The following SLC12A8 variants were observed in gnomAD, a reference collection of about 807,000 sequenced individuals.
SLC12A8 encodes solute carrier family 12 member 8, also known as cation-chloride cotransporter 9.
Under a neutral mutation model 75.6 loss-of-function variants are expected in SLC12A8, and 69 were observed. The observed-to-expected ratio is 0.91, with a 90% CI of 0.75 to 1.11. The LOEUF (loss-of-function observed/expected upper bound fraction) is 1.11, where lower values mean the gene tolerates loss of function less well. Among genes scored for constraint, SLC12A8 ranks in the 50% most tolerant of loss-of-function variants. SLC12A8 has a pLI of 0.00. For synonymous variants in SLC12A8, 365 were observed against 372.8 expected (o/e 0.98, Z 0.24); for missense variants, 877 against 896.7 (o/e 0.98, Z 0.28).
At chr3:125,085,088 C>A (rs1243076194) in intron 13 of SLC12A8, among the ~76,000 whole-genome samples, 1 of 152,172 alleles carries the variant, frequency 6.6e-6, no homozygotes, top group African/African-American at 2.4e-5. Flanking sequence ...GGCATTACAG[C>A]CAGTTGTTGA....
Position 125,088,360 on chromosome 3 carries a change from G to A in SLC12A8, c.1932C>T (p.Ser644=). 1.2e-6 allele frequency: 2 copies of A among 1,614,204 alleles called. No individual in the cohort carries two copies. Among genetic ancestry groups the A allele is most frequent in the African/African-American group, 1.3e-5 (1 of 75,066 alleles). The part of the protein sequence containing the change: ...ASPGLHLGSA[S]NFSFFRWMRS... ...TCATCCACCGGAAAAAGCTGAAGTT[G>A]GAGGCTGATCCTGCAGGGAAGACAT... Residue 644 remains serine, a synonymous_variant, in exon 13 of 14, where the codon TCC becomes TCT. Transcript: ENST00000469902.
At chr3:125,186,136 A>G (rs973162761) in intron 4 of SLC12A8, among the ~76,000 whole-genome samples, 5 of 151,116 alleles carry the variant, frequency 3.3e-5, no homozygotes, top group Admixed American at 6.6e-5. Context: ...GGTTGGCTAT[A>G]AAATAGCAGA....
chr3:125,175,526 A>G (rs1398268744), intron 5 of SLC12A8, among the ~76,000 whole-genome samples: 2 of 152,088 alleles, frequency 1.3e-5, no homozygotes, highest in Non-Finnish European at 2.9e-5. Flanking sequence ...CTTCTAATCA[A>G]GAAGAAGGAA....
chr3:125,184,446 G>T (rs944920553), intron 4 of SLC12A8, among the ~76,000 whole-genome samples: 1 of 152,102 alleles, frequency 6.6e-6, no homozygotes, highest in Non-Finnish European at 1.5e-5. Flanking sequence ...ATCTGTGGCT[G>T]CATTCACACT....
At chr3:125,180,767 T>C (rs1198098542) in intron 4 of SLC12A8, among the ~76,000 whole-genome samples, 4 of 152,212 alleles carry the variant, frequency 2.6e-5, no homozygotes, top group Non-Finnish European at 4.4e-5. Context: ...ATGAATATCA[T>C]AAGATACTTT....
rs768015174 is a variant in SLC12A8, at chr3:125,177,870, A to G, written c.495T>C (p.Leu165=). Residue 165 remains leucine (L), a synonymous_variant, in exon 5 of 14, where the codon CTT becomes CTC. Transcript: ENST00000469902. ...CGAGGTTAATGCCCAGCAAGGCCAG[A>G]AGCACCGCAACTGAAATTCCTCGCA... ...WAVRGISVAV[L]LALLGINLAG... is the part of the protein sequence containing the mutation. 6.2e-7 allele frequency: 1 copy of G among 1,614,222 alleles called. No individual in the cohort carries two copies. Among genetic ancestry groups the G allele is most frequent in the South Asian group, 1.1e-5 (1 of 91,084 alleles).
At chr3:125,179,581 C>T (rs944143205) in intron 4 of SLC12A8, among the ~76,000 whole-genome samples, 1 of 152,152 alleles carries the variant, frequency 6.6e-6, no homozygotes, top group African/African-American at 2.4e-5. Context: ...TCATGTTTGT[C>T]AGCATCCCCC....
intron 5 of SLC12A8, among the ~76,000 whole-genome samples, chr3:125,175,748 A>G (rs1045040303): frequency 1.4e-5 from 1 of 69,598 alleles, no homozygotes; most frequent in African/African-American, 4.1e-5. Flanking sequence ...AGGGTGGTAC[A>G]TGGCCAGGAA....
chr3:125,137,677 T>C (rs1301068534), intron 5 of SLC12A8, among the ~76,000 whole-genome samples: 1 of 152,224 alleles, frequency 6.6e-6, no homozygotes, highest in East Asian at 1.9e-4. Flanking sequence ...CAGGGGAATA[T>C]TTGGTCACTG....
At chr3:125,166,043 G>T (rs1345509381) in intron 5 of SLC12A8, among the ~76,000 whole-genome samples, 1 of 151,986 alleles carries the variant, frequency 6.6e-6, no homozygotes, top group African/African-American at 2.4e-5. Flanking sequence ...AACAAATATG[G>T]CTCTTTCCGC....
intron 8 of SLC12A8, among the ~76,000 whole-genome samples, chr3:125,116,266 A>C (rs746872642): frequency 1.3e-5 from 2 of 152,192 alleles, no homozygotes; most frequent in Non-Finnish European, 2.9e-5. Context: ...GCCCATTTCT[A>C]CTGAGAACCA....
chr3:125,110,569 C>G (rs1341498304), intron 8 of SLC12A8: 4 of 342,252 alleles, frequency 1.2e-5, no homozygotes, highest in Non-Finnish European at 2.1e-5. Context: ...GAAGCGTCTG[C>G]CAGACTCAGC....
At chr3:125,199,585 GA>G (rs369600546) in intron 2 of SLC12A8, among the ~76,000 whole-genome samples, 56 of 139,698 alleles carry the variant, frequency 4.0e-4, no homozygotes, top group Admixed American at 5.7e-4. Flanking sequence ...CTAGAAGAAG[GA>G]AAAAAAAAAA....
intron 8 of SLC12A8, among the ~76,000 whole-genome samples, chr3:125,115,540 A>C (rs375181305): frequency 5.6e-4 from 85 of 152,040 alleles, no homozygotes; most frequent in African/African-American, 1.0e-3. Context: ...AACAAACAAA[A>C]AAAAAAAGTA....
rs184015960 is a variant in SLC12A8 at position 125,198,980 on chromosome 3, G to A, written c.52-8459C>T. 1.8e-3 allele frequency among the ~76,000 whole-genome samples: 279 copies of A among 152,004 alleles called. 3 individuals carry two copies. The East Asian group carries it at 0.04, about 22-fold the overall frequency. On this transcript the variant is annotated intron_variant, in intron 2 of 13. Transcript: ENST00000469902. ...TTTTTAGTAGAGATGGGGTTTCACCGTGTTAGCCAGGATGGTCTCGATCTC... is the reference window on the plus strand; with the variant it reads ...TTTTTAGTAGAGATGGGGTTTCACCATGTTAGCCAGGATGGTCTCGATCTC...
intron 2 of SLC12A8, among the ~76,000 whole-genome samples, chr3:125,204,185 A>G (rs987987536): frequency 6.6e-6 from 1 of 152,214 alleles, no homozygotes; most frequent in Admixed American, 6.5e-5. Flanking sequence ...GAAGCTCATT[A>G]AAAATTAAAA....
intron 2 of SLC12A8, among the ~76,000 whole-genome samples, chr3:125,194,198 A>T (rs1329884965): frequency 1.3e-5 from 2 of 152,192 alleles, no homozygotes; most frequent in African/African-American, 4.8e-5. Context: ...GGCCAGCTTG[A>T]CAGGTTCCAG....
chr3:125,118,962 T>C, intron 7 of SLC12A8, 106 bp from the exon 8 acceptor site: 2 of 742,530 alleles, frequency 2.7e-6, no homozygotes, highest in South Asian at 1.7e-5. Context: ...TGTATCAGAA[T>C]GAGAGAAAGG....
chr3:125,211,431 T>C, intron 1 of SLC12A8, 37 bp from the exon 2 acceptor site: 1 of 1,031,400 alleles, frequency 9.7e-7, no homozygotes, highest in Non-Finnish European at 1.5e-6. Flanking sequence ...GGCTGGCTTC[T>C]CCTCTCCTCT....
Sources: gnomAD v4.1 joint callset for allele counts (sites outside exome capture counted in the v4.1 genomes callset) on GRCh38, gnomAD v4.1.1 for gene constraint, MANE v1.5 for transcripts, NCBI Gene and HGNC (gene_info 2026-07-23, HGNC 2026-07-21) for gene names.